SPSB4: variants seen among roughly 807,000 people sequenced by gnomAD.
SPSB4 encodes the protein SPRY domain-containing SOCS box protein 4.
Under a neutral mutation model 20.9 loss-of-function variants are expected in SPSB4, and 21 were observed. The ratio of observed to expected loss-of-function variants is 1.01; its 90% CI spans 0.71 to 1.45. The LOEUF (loss-of-function observed/expected upper bound fraction) is 1.45, where lower values mean the gene tolerates loss of function less well. Among genes scored for constraint, SPSB4 ranks in the 40% most tolerant of loss-of-function variants. SPSB4 has a pLI of 0.00. For missense variants in SPSB4, 399 were observed against 399.2 expected, an observed-to-expected ratio of 1.00 and a Z score of 0.00; for synonymous variants, 207 against 183.8, an observed-to-expected ratio of 1.13 and a Z score of -1.02.
At chr3:141,143,096 C>T (rs964141238) in intron 2 of SPSB4, among the ~76,000 whole-genome samples, 1 of 152,030 alleles carries the variant, frequency 6.6e-6, no homozygotes, top group African/African-American at 2.4e-5. Flanking sequence ...GATTACAGGT[C>T]TGAGCCACCA....
intron 1 of SPSB4, among the ~76,000 whole-genome samples, chr3:141,057,041 G>A (rs921907500): frequency 3.3e-5 from 5 of 152,240 alleles, no homozygotes; most frequent in Non-Finnish European, 1.5e-5. Flanking sequence ...AGGAGGAGAG[G>A]CTCAGGGAAG....
At chr3:141,145,888 C>T (rs1939406043) in intron 2 of SPSB4, among the ~76,000 whole-genome samples, 1 of 152,164 alleles carries the variant, frequency 6.6e-6, no homozygotes, top group Admixed American at 6.5e-5. Context: ...CCTCCCCACC[C>T]TTATGTGCCT....
At chr3:141,067,823 A>G (rs1326702708) in intron 2 of SPSB4, among the ~76,000 whole-genome samples, 8 of 152,202 alleles carry the variant, frequency 5.3e-5, no homozygotes, top group Admixed American at 4.6e-4. Flanking sequence ...CCACACCCCA[A>G]TGAAGCTCTC....
At chr3:141,111,992 A>G (rs1938804541) in intron 2 of SPSB4, among the ~76,000 whole-genome samples, 1 of 152,112 alleles carries the variant, frequency 6.6e-6, no homozygotes. Context: ...TTCTGCATAA[A>G]TTTCATTTGG....
At chr3:141,107,618 G>A (rs893399976) in intron 2 of SPSB4, among the ~76,000 whole-genome samples, 1 of 152,186 alleles carries the variant, frequency 6.6e-6, no homozygotes, top group African/African-American at 2.4e-5. Context: ...TAACTATTGG[G>A]ACAGCCTTAC....
At chr3:141,103,871 G>A (rs1473412300) in intron 2 of SPSB4, among the ~76,000 whole-genome samples, 1 of 151,574 alleles carries the variant, frequency 6.6e-6, no homozygotes, top group Non-Finnish European at 1.5e-5. Context: ...CCTCCAGAAT[G>A]GATTCAGTTA....
chr3:141,059,340 T>C (rs1937719697), intron 1 of SPSB4, among the ~76,000 whole-genome samples: 1 of 152,246 alleles, frequency 6.6e-6, no homozygotes, highest in East Asian at 1.9e-4. Context: ...TAATTTATAA[T>C]GAAAAGAAGT....
In SPSB4 at chr3:141,117,415, C is replaced by T. The variant is rs562535566; in HGVS notation, c.695-29727C>T. Among the ~76,000 whole-genome samples the T allele has an allele frequency of 1.4e-4, 21 of 152,360 alleles. No homozygotes were observed. In the East Asian group the frequency reaches 4.0e-3, roughly 29 times the overall value. On this transcript the variant is annotated intron_variant, in intron 2 of 2. Transcript: ENST00000310546. Reference sequence around the variant, plus strand: ...GAGTGACTCCATTATTACTCCTTAGCTAGAATTTATAATTCATCTTCTGGC... The same window carrying T: ...GAGTGACTCCATTATTACTCCTTAGTTAGAATTTATAATTCATCTTCTGGC...
At chr3:141,087,414 T>C (rs953333131) in intron 2 of SPSB4, among the ~76,000 whole-genome samples, 1 of 151,974 alleles carries the variant, frequency 6.6e-6, no homozygotes, top group Non-Finnish European at 1.5e-5. Context: ...ACAGACAAAA[T>C]TGAAGAAGGT....
chr3:141,127,727 C>A (rs114345386), intron 2 of SPSB4, among the ~76,000 whole-genome samples: 111 of 152,306 alleles, frequency 7.3e-4, no homozygotes, highest in African/African-American at 2.6e-3. Context: ...GAGACACAGG[C>A]TGGAGAAGGA....
In SPSB4 at chr3:141,066,629, C is replaced by G; in HGVS notation, c.525C>G (p.Asp175Glu). 1 of 1,609,052 alleles carries G rather than the reference C, an allele frequency of 6.2e-7. No individual in the cohort carries two copies. The highest frequency in any genetic ancestry group is 8.5e-7 in the Non-Finnish European group (1 of 1,177,670). Residue 175 changes from aspartate (D) to glutamate (E), a missense_variant, in exon 2 of 3, where the codon GAC becomes GAG. Asp to Glu is a conservative substitution (Grantham distance 45). Transcript: ENST00000310546. ...CCGACGAGGCCTTTGCGCTGCCCGA[C>G]TCGCTGCTCGTGGTGCTGGACATGG... ...LGPDEAFALP[D>E]SLLVVLDMDE...
intron 2 of SPSB4, among the ~76,000 whole-genome samples, chr3:141,095,166 C>T (rs925532801): frequency 6.6e-6 from 1 of 152,142 alleles, no homozygotes; most frequent in Non-Finnish European, 1.5e-5. Context: ...AGCCACCGTG[C>T]AGAAAGGTGC....
chr3:141,113,972 T>C (rs1217899285), intron 2 of SPSB4, among the ~76,000 whole-genome samples: 1 of 152,168 alleles, frequency 6.6e-6, no homozygotes, highest in African/African-American at 2.4e-5. Flanking sequence ...CCTGTGGTCC[T>C]GGCTACTTGA....
At chr3:141,111,352 T>C (rs929842473) in intron 2 of SPSB4, among the ~76,000 whole-genome samples, 1 of 131,446 alleles carries the variant, frequency 7.6e-6, no homozygotes, top group African/African-American at 2.9e-5. Context: ...CCCTGGAACT[T>C]GCTTTTTTTT....
rs1389235894 is a variant in SPSB4 at position 141,066,360 on chromosome 3, G to C, written c.256G>C (p.Gly86Arg). The C allele has an allele frequency of 2.6e-6, 4 of 1,556,992 alleles. No individual in the cohort carries two copies. Among genetic ancestry groups the C allele is most frequent in the Non-Finnish European group, 3.5e-6 (4 of 1,152,804 alleles). ...GCACCCCGTGGCCCAGAGCACCGAC[G>C]GCATCCGCGGCAAGGTGGGCCACGC... is the stretch of plus-strand genomic sequence containing the variant. ...HRHPVAQSTD[G>R]IRGKVGHARG... Residue 86 changes from glycine (G) to arginine (R), a missense_variant, in exon 2 of 3, where the codon GGC becomes CGC. Coordinates refer to ENST00000310546, the MANE Select transcript of SPSB4 (RefSeq NM_080862.3).
At chr3:141,145,041 A>G (rs1367288228) in intron 2 of SPSB4, among the ~76,000 whole-genome samples, 1 of 152,120 alleles carries the variant, frequency 6.6e-6, no homozygotes, top group Non-Finnish European at 1.5e-5. Flanking sequence ...TGATTGGGTG[A>G]CTGGGAGGTG....
intron 1 of SPSB4, among the ~76,000 whole-genome samples, chr3:141,061,738 C>CTTTT (rs71151410): frequency 3.2e-5 from 3 of 94,854 alleles, no homozygotes; most frequent in African/African-American, 7.1e-5. Flanking sequence ...TTCTTTCTTT[C>CTTTT]TTTTTTTTTT....
intron 1 of SPSB4, among the ~76,000 whole-genome samples, chr3:141,059,868 T>C (rs536440176): frequency 1.3e-5 from 2 of 152,256 alleles, no homozygotes; most frequent in South Asian, 4.2e-4. Context: ...CAAAAGCAGG[T>C]GAGGTTAGCA....
chr3:141,062,433 C>T (rs898375787), intron 1 of SPSB4, among the ~76,000 whole-genome samples: 4 of 151,932 alleles, frequency 2.6e-5, no homozygotes, highest in African/African-American at 9.7e-5. Context: ...AAAGAACCAT[C>T]TCTTTAGTTT....
Sources: allele counts gnomAD v4.1 joint callset (sites outside exome capture counted in the v4.1 genomes callset), GRCh38; gene constraint gnomAD v4.1.1; transcripts MANE v1.5; gene names NCBI Gene and HGNC (gene_info 2026-07-23, HGNC 2026-07-21).